MRAP2: variants seen among roughly 807,000 people sequenced by gnomAD.
The protein encoded by MRAP2 is melanocortin 2 receptor accessory protein 2.
A neutral mutation model predicts 17.4 loss-of-function variants in MRAP2; 20 were observed. The observed-to-expected ratio is 1.15, with a 90% CI of 0.81 to 1.67. The LOEUF (loss-of-function observed/expected upper bound fraction) is 1.67. Ranked by LOEUF, MRAP2 falls within the 40% of genes most tolerant of loss-of-function variation. The pLI is 0.00. For missense variants in MRAP2, 238 were observed against 240.0 expected, an observed-to-expected ratio of 0.99 and a Z score of 0.05; for synonymous variants, 96 against 88.4, an observed-to-expected ratio of 1.09 and a Z score of -0.48.
chr6:84,129,901 T>C, the MRAP2 span, among the ~76,000 whole-genome samples: 278 of 152,260 alleles, frequency 1.8e-3, 3 homozygotes, highest in Middle Eastern at 6.8e-3. Context: ...CTAAGTTGAA[T>C]TGAATAGGAG....
chr6:84,118,985 A>G, the MRAP2 span, among the ~76,000 whole-genome samples: 81 of 152,216 alleles, frequency 5.3e-4, no homozygotes, highest in African/African-American at 1.9e-3. Flanking sequence ...TTGAAAGTCA[A>G]TTATTTGTAA....
intron 1 of MRAP2, among the ~76,000 whole-genome samples, chr6:84,034,698 A>C (rs1246930834): frequency 6.6e-6 from 1 of 152,074 alleles, no homozygotes; most frequent in Non-Finnish European, 1.5e-5. Context: ...TTTTGAAGGC[A>C]AAGGAAGCTT....
At chr6:84,074,843 C>A (rs2099497173) in intron 3 of MRAP2, among the ~76,000 whole-genome samples, 1 of 152,172 alleles carries the variant, frequency 6.6e-6, no homozygotes, top group Non-Finnish European at 1.5e-5. Context: ...TTTAACTGCA[C>A]AGGGCCAATC....
At chr6:84,115,588 C>A in the MRAP2 span, among the ~76,000 whole-genome samples, 1 of 152,048 alleles carries the variant, frequency 6.6e-6, no homozygotes, top group Admixed American at 6.6e-5. Flanking sequence ...GTGAACGGAT[C>A]TGTCTCGCTG....
chr6:84,142,368 A>G, the MRAP2 span, among the ~76,000 whole-genome samples: 1 of 152,182 alleles, frequency 6.6e-6, no homozygotes, highest in African/African-American at 2.4e-5. Flanking sequence ...AAGCTATATG[A>G]TCTCTGCATC....
the MRAP2 span, among the ~76,000 whole-genome samples, chr6:84,116,222 C>G: frequency 6.6e-6 from 1 of 152,092 alleles, no homozygotes; most frequent in Non-Finnish European, 1.5e-5. Context: ...TGTCCCCACC[C>G]AAATCTCATC....
the MRAP2 span, among the ~76,000 whole-genome samples, chr6:84,112,628 A>G: frequency 6.6e-6 from 1 of 151,716 alleles, no homozygotes; most frequent in Admixed American, 6.6e-5. Flanking sequence ...GATCTTAGTT[A>G]TTTCTTGTCT....
At chr6:84,124,516 GCT>G in the MRAP2 span, 1 of 153,406 alleles carries the variant, frequency 6.5e-6, no homozygotes, top group African/African-American at 2.4e-5. Flanking sequence ...AAAAGTAGGA[GCT>G]AAACAATGGG....
chr6:84,132,173 A>G, the MRAP2 span, among the ~76,000 whole-genome samples: 11 of 151,914 alleles, frequency 7.2e-5, no homozygotes, highest in African/African-American at 2.4e-4. Flanking sequence ...GTTGGCCCCC[A>G]CTCTCTTCTG....
downstream of MRAP2, chr6:84,090,997 T>C (rs2099501675): frequency 6.6e-6 from 1 of 152,172 alleles, no homozygotes; most frequent in Non-Finnish European, 1.5e-5. Flanking sequence ...GACTGTACCA[T>C]CTCTGGGATT....
At chr6:84,083,662 G>C (rs2099499561) in intron 3 of MRAP2, among the ~76,000 whole-genome samples, 1 of 152,008 alleles carries the variant, frequency 6.6e-6, no homozygotes, top group Non-Finnish European at 1.5e-5. Context: ...CTTAAAACCA[G>C]CTTATTTATC....
chr6:84,097,663 A>G, the MRAP2 span, among the ~76,000 whole-genome samples: 1 of 152,096 alleles, frequency 6.6e-6, no homozygotes, highest in Non-Finnish European at 1.5e-5. Context: ...TATAGTTTTT[A>G]TAAAAAGACT....
At position 84,089,532 on chromosome 6, in the gene MRAP2, G is replaced by A. The variant is rs1338926969; in HGVS notation, c.*51G>A. The A allele has an allele frequency of 1.9e-6, 3 of 1,555,068 alleles. No individual in the cohort carries two copies. The African/African-American group carries it at 4.1e-5, about 21-fold the overall frequency. On this transcript the variant is annotated 3_prime_UTR_variant, in exon 4 of 4. Coordinates refer to ENST00000257776, the MANE Select transcript of MRAP2 (RefSeq NM_138409.4). ...CTGAAGATGTGGATTCTATCTTTAT[G>A]TAGCAAGAAATCTACATCCACCAAA...
At chr6:84,113,472 G>T in the MRAP2 span, among the ~76,000 whole-genome samples, 1 of 152,296 alleles carries the variant, frequency 6.6e-6, no homozygotes, top group South Asian at 2.1e-4. Flanking sequence ...TGGAGCCTAT[G>T]TGTGTCTCTG....
chr6:84,144,662 T>C, the MRAP2 span, among the ~76,000 whole-genome samples: 21 of 152,200 alleles, frequency 1.4e-4, no homozygotes, highest in Admixed American at 7.9e-4. Context: ...AATGAAAAGA[T>C]TGATTGGTTC....
At chr6:84,040,379 T>C (rs1359435109) in intron 1 of MRAP2, among the ~76,000 whole-genome samples, 19 of 152,162 alleles carry the variant, frequency 1.2e-4, no homozygotes, top group Non-Finnish European at 4.4e-5. Context: ...ACACCATAAA[T>C]TGGTACTGAG....
the MRAP2 span, among the ~76,000 whole-genome samples, chr6:84,099,372 A>C: frequency 6.6e-6 from 1 of 152,066 alleles, no homozygotes; most frequent in Non-Finnish European, 1.5e-5. Flanking sequence ...TTTGACACTC[A>C]TTCCACACTT....
chr6:84,119,976 T>C, the MRAP2 span, among the ~76,000 whole-genome samples: 3 of 152,290 alleles, frequency 2.0e-5, no homozygotes, highest in African/African-American at 4.8e-5. Context: ...ATCATGGGAA[T>C]TGGTTGACAC....
At chr6:84,099,836 A>G in the MRAP2 span, among the ~76,000 whole-genome samples, 1 of 151,826 alleles carries the variant, frequency 6.6e-6, no homozygotes, top group African/African-American at 2.4e-5. Context: ...TAATACAGAT[A>G]GTGTATATCT....
Sources: allele counts gnomAD v4.1 joint callset (sites outside exome capture counted in the v4.1 genomes callset), GRCh38; gene constraint gnomAD v4.1.1; transcripts MANE v1.5; gene names NCBI Gene and HGNC (gene_info 2026-07-23, HGNC 2026-07-21).